The following ZEB1 variants were observed in gnomAD, a reference collection of about 807,000 sequenced individuals.
ZEB1 encodes the protein zinc finger E-box binding homeobox 1, also known as zinc finger E-box-binding homeobox 1.
In ZEB1, 21 loss-of-function variants were observed where a neutral mutation model predicts 84.9. The observed-to-expected ratio is 0.25, with a 90% CI of 0.18 to 0.36. The LOEUF (loss-of-function observed/expected upper bound fraction) is 0.36, where lower values mean the gene tolerates loss of function less well. ZEB1 is among the 10% of genes least tolerant of loss of function. The probability of loss-of-function intolerance (pLI) is 1.00; values close to 1 mark genes in which losing one functional copy is unlikely to be tolerated. For synonymous variants in ZEB1, 420 were observed against 471.1 expected (o/e 0.89, Z 1.41); for missense variants, 1,104 against 1,330.2 (o/e 0.83, Z 2.65).
intron 6 of ZEB1, among the ~76,000 whole-genome samples, chr10:31,518,668 C>G (rs1187436602): frequency 1.3e-5 from 2 of 151,996 alleles, no homozygotes; most frequent in Non-Finnish European, 2.9e-5. Flanking sequence ...TGTGATGGAG[C>G]CAGGATTTGA....
At chr10:31,451,975 C>G (rs1174879670) in intron 1 of ZEB1, among the ~76,000 whole-genome samples, 1 of 152,184 alleles carries the variant, frequency 6.6e-6, no homozygotes, top group East Asian at 1.9e-4. Context: ...CTGCGTTTGC[C>G]TATCAGTTTT....
chr10:31,422,292 A>C (rs1180578057), intron 1 of ZEB1, among the ~76,000 whole-genome samples: 2 of 152,176 alleles, frequency 1.3e-5, no homozygotes, highest in Non-Finnish European at 2.9e-5. Flanking sequence ...TGAAGTTCTG[A>C]AGCTATGAAG....
intron 1 of ZEB1, among the ~76,000 whole-genome samples, chr10:31,374,558 A>T (rs1389567005): frequency 6.6e-6 from 1 of 151,756 alleles, no homozygotes; most frequent in Non-Finnish European, 1.5e-5. Flanking sequence ...AGTGTAGATA[A>T]TAATTACACA....
intron 1 of ZEB1, among the ~76,000 whole-genome samples, chr10:31,396,945 T>C (rs1465310021): frequency 2.0e-5 from 3 of 151,950 alleles, no homozygotes; most frequent in Admixed American, 6.6e-5. Flanking sequence ...TATGAGTATG[T>C]AACAGTCCAG....
rs1455146348 is a variant in ZEB1 at position 31,363,361 on chromosome 10, A to T, written c.58+44069A>T. The T allele has an allele frequency of 4.6e-6, 7 of 1,534,072 alleles. No homozygotes were observed. The South Asian group carries it at 7.1e-5, about 16-fold the overall frequency. On this transcript the variant is annotated intron_variant, in intron 1 of 8. Transcript: ENST00000424869. Reference sequence around the variant, plus strand: ...TCCATGGCCCTTGGAGTAGAAACTCACTGCATGCACCTGGGCCTTGTCAGT... The same window carrying T: ...TCCATGGCCCTTGGAGTAGAAACTCTCTGCATGCACCTGGGCCTTGTCAGT...
intron 1 of ZEB1, chr10:31,363,205 C>G: frequency 6.5e-7 from 1 of 1,534,056 alleles, no homozygotes; most frequent in Non-Finnish European, 8.7e-7. Context: ...GTGGTCTTCA[C>G]CCAGCACCTT....
Position 31,520,044 on chromosome 10 carries a change from C to A in ZEB1, c.794-82C>A. On this transcript the variant is annotated intron_variant, in intron 6 of 8. Coordinates refer to ENST00000424869, the MANE Select transcript of ZEB1 (RefSeq NM_001174096.2). This position sits in a 1 kb window ranked among gnomAD's most constrained non-coding sequence, Gnocchi z 5.1. ...GCAGTCTTCTTTTTAAAATTGATACCGCTTGTTTTAGGGAAATGAGGATAC... is the reference window on the plus strand; with the variant it reads ...GCAGTCTTCTTTTTAAAATTGATACAGCTTGTTTTAGGGAAATGAGGATAC... 6.5e-7 allele frequency: 1 copy of A among 1,529,150 alleles called. No individual in the cohort carries two copies. Among genetic ancestry groups the A allele is most frequent in the South Asian group, 1.2e-5 (1 of 84,620 alleles). The allele number at this position is 1,529,150 out of a possible 1,614,324, so 94.7% of individuals were successfully genotyped here. A position where few individuals can be genotyped will look rare whatever the true frequency, so the allele number is the denominator to read the frequency against.
At chr10:31,318,922 T>G, upstream of ZEB1, 3 of 441,882 alleles carry the variant, frequency 6.8e-6, no homozygotes, top group Admixed American at 3.4e-5. Flanking sequence ...GCCCGTCGCC[T>G]TTCTGACCGC....
intron 1 of ZEB1, chr10:31,363,693 G>T: frequency 8.0e-7 from 1 of 1,249,322 alleles, no homozygotes. Context: ...TCCTTACGGG[G>T]CTGAGGTGTC....
At chr10:31,395,938 T>C (rs1488446569) in intron 1 of ZEB1, among the ~76,000 whole-genome samples, 1 of 152,202 alleles carries the variant, frequency 6.6e-6, no homozygotes, top group South Asian at 2.1e-4. Context: ...TATCCCATCA[T>C]GTCCATGGGG....
intron 1 of ZEB1, among the ~76,000 whole-genome samples, chr10:31,367,922 C>A (rs1218798193): frequency 4.0e-5 from 6 of 151,806 alleles, no homozygotes; most frequent in Non-Finnish European, 7.4e-5. Context: ...TTCTAAAATA[C>A]ATGATTTTAG....
chr10:31,318,800 G>A (rs553501600), upstream of ZEB1: 79 of 316,092 alleles, frequency 2.5e-4, no homozygotes, highest in Non-Finnish European at 4.4e-4. Context: ...AGGGCACAGG[G>A]TACAGGGAGA....
intron 2 of ZEB1, among the ~76,000 whole-genome samples, chr10:31,469,281 T>C (rs2137802046): frequency 6.6e-6 from 1 of 152,304 alleles, no homozygotes; most frequent in Non-Finnish European, 1.5e-5. Flanking sequence ...GGGTGATTTC[T>C]GCATTTCCAT....
Position 31,459,764 on chromosome 10 carries a change from T to C in ZEB1, c.59-1273T>C, listed in dbSNP as rs538181524. Among the ~76,000 whole-genome samples, 3 of 151,978 alleles carry C rather than the reference T, an allele frequency of 2.0e-5. No homozygotes were observed. In the South Asian group the frequency reaches 6.2e-4, roughly 32 times the overall value. On this transcript the variant is annotated intron_variant, in intron 1 of 8. Transcript: ENST00000424869. ...ATAAAAGCTGTTTTGGAGTTTTGGT[T>C]ATTTGTTTTCACCTTTAAATATCTA...
chr10:31,354,087 G>A (rs959512953), intron 1 of ZEB1, among the ~76,000 whole-genome samples: 1 of 152,154 alleles, frequency 6.6e-6, no homozygotes, highest in Non-Finnish European at 1.5e-5. Flanking sequence ...TGAATTATGT[G>A]GGCAGTGCTT....
chr10:31,458,336 TTGTGTG>T (rs770656843), intron 1 of ZEB1, among the ~76,000 whole-genome samples: 7 of 102,284 alleles, frequency 6.8e-5, no homozygotes, highest in Admixed American at 8.7e-5. Context: ...TGTGTGTGTG[TTGTGTG>T]TGTGTGTGTG....
In ZEB1 at chr10:31,527,037, T is replaced by C. The variant is rs770410950; in HGVS notation, c.3151T>C (p.Leu1051=). The change falls in exon 9 of 9, where the codon TTG becomes CTG. Residue 1051 remains leucine (L), a synonymous_variant. Coordinates refer to ENST00000424869, the MANE Select transcript of ZEB1 (RefSeq NM_001174096.2). ...EEEEDKEMEE[L]QEEKECEKPQ... ...GGAGGAGGATAAAGAGATGGAAGAA[T>C]TGCAGGAAGAAAAAGAATGTGAAAA... The C allele has an allele frequency of 1.5e-5, 24 of 1,584,798 alleles. No homozygotes were observed. The highest frequency in any genetic ancestry group is 1.7e-4 in the Middle Eastern group (1 of 6,048).
At chr10:31,420,574 T>C (rs1032151366) in intron 1 of ZEB1, among the ~76,000 whole-genome samples, 2 of 152,168 alleles carry the variant, frequency 1.3e-5, no homozygotes, top group African/African-American at 4.8e-5. Flanking sequence ...CATCAGGCTC[T>C]CCCAGGATAA....
At chr10:31,495,699 T>C in intron 2 of ZEB1, 77 bp from the exon 3 acceptor site, 3 of 1,498,822 alleles carry the variant, frequency 2.0e-6, no homozygotes, top group Non-Finnish European at 2.8e-6. Context: ...AATTGGGATA[T>C]CCAAAACTTT....
Sources: gnomAD v4.1 joint callset for allele counts (sites outside exome capture counted in the v4.1 genomes callset) on GRCh38, gnomAD v4.1.1 for gene constraint, Gnocchi (gnomAD v3.1) non-coding constraint, MANE v1.5 for transcripts, NCBI Gene and HGNC (gene_info 2026-07-23, HGNC 2026-07-21) for gene names.